The following CLMN variants were observed in gnomAD, a reference collection of about 807,000 sequenced individuals.
CLMN encodes the protein calmin, also known as calmin (calponin-like, transmembrane).
A neutral mutation model predicts 92.7 loss-of-function variants in CLMN; 57 were observed. The observed-to-expected ratio is 0.61, with a 90% CI of 0.50 to 0.77. The LOEUF (loss-of-function observed/expected upper bound fraction) is 0.77. Among genes scored for constraint, CLMN ranks in the 30% least tolerant of loss-of-function variants. CLMN has a pLI of 0.00. For synonymous variants in CLMN, 466 were observed against 470.6 expected, an observed-to-expected ratio of 0.99 and a Z score of 0.13; for missense variants, 1,158 against 1,237.5, an observed-to-expected ratio of 0.94 and a Z score of 0.96.
chr14:95,318,674 C>G (rs927412685), intron 1 of CLMN, among the ~76,000 whole-genome samples: 4 of 152,144 alleles, frequency 2.6e-5, no homozygotes, highest in Admixed American at 2.0e-4. Context: ...TAACCTTGAA[C>G]CCTCTAGAAA....
At chr14:95,273,655 A>C (rs976572928) in intron 1 of CLMN, among the ~76,000 whole-genome samples, 4 of 152,190 alleles carry the variant, frequency 2.6e-5, no homozygotes, top group African/African-American at 9.7e-5. Flanking sequence ...CAGGGAATTT[A>C]ATAACCTTGG....
In CLMN at chr14:95,182,263, C is replaced by T. The variant is rs532457769; in HGVS notation, c.*9301G>A. The T allele has an allele frequency of 6.6e-6, 1 of 152,292 alleles. No individual in the cohort carries two copies. The highest frequency in any genetic ancestry group is 1.5e-5 in the Non-Finnish European group (1 of 68,036). 9.4% of individuals were successfully genotyped at this position (152,292 alleles called of 1,614,324 possible). Reference sequence around the variant, plus strand: ...ATTTTCCTCAATAGTTTTCTTAGAGCTCTCAGTAAAAACTTTCAGACATAG... The same window carrying T: ...ATTTTCCTCAATAGTTTTCTTAGAGTTCTCAGTAAAAACTTTCAGACATAG... On this transcript the variant is annotated 3_prime_UTR_variant, in exon 13 of 13. Transcript: ENST00000298912.
intron 1 of CLMN, among the ~76,000 whole-genome samples, chr14:95,311,662 C>T (rs1008840874): frequency 1.3e-5 from 2 of 152,094 alleles, no homozygotes; most frequent in South Asian, 2.1e-4. Context: ...TGCATGGGCC[C>T]GTCTGGGACG....
chr14:95,198,702 C>T (rs1341827812), intron 9 of CLMN, among the ~76,000 whole-genome samples: 3 of 152,090 alleles, frequency 2.0e-5, no homozygotes, highest in Non-Finnish European at 2.9e-5. Flanking sequence ...CTAGATCTCC[C>T]GATTCTACCA....
At chr14:95,199,138 A>C (rs1259961224) in intron 9 of CLMN, 1 of 150,670 alleles carries the variant, frequency 6.6e-6, no homozygotes, top group Non-Finnish European at 1.5e-5. Context: ...TGCTCCTCCT[A>C]GGGCTTAGGT....
intron 1 of CLMN, among the ~76,000 whole-genome samples, chr14:95,296,854 T>A (rs1273804926): frequency 6.6e-6 from 1 of 152,242 alleles, no homozygotes; most frequent in African/African-American, 2.4e-5. Flanking sequence ...TCAGGTTTCC[T>A]GTAATTCATA....
chr14:95,254,572 C>T (rs1358631491), intron 1 of CLMN, among the ~76,000 whole-genome samples: 1 of 152,174 alleles, frequency 6.6e-6, no homozygotes, highest in Non-Finnish European at 1.5e-5. Context: ...TTATGAGGCA[C>T]CCCATCCATA....
chr14:95,226,377 T>G (rs1595593053), intron 2 of CLMN, among the ~76,000 whole-genome samples: 1 of 152,198 alleles, frequency 6.6e-6, no homozygotes. Context: ...ATGCAGTTTT[T>G]TTTTTCTGAA....
intron 1 of CLMN, among the ~76,000 whole-genome samples, chr14:95,242,353 G>C (rs1299237774): frequency 7.1e-6 from 1 of 140,790 alleles, no homozygotes; most frequent in African/African-American, 2.6e-5. Flanking sequence ...CCACCTTCCA[G>C]GTTCAAGCGA....
At position 95,191,828 on chromosome 14, in the gene CLMN, C is replaced by T. The variant is rs916742869; in HGVS notation, c.2841-96G>A. On this transcript the variant is annotated intron_variant, in intron 12 of 12. Coordinates refer to ENST00000298912, the MANE Select transcript of CLMN (RefSeq NM_024734.4). This position sits in a 1 kb window ranked among gnomAD's most constrained non-coding sequence, Gnocchi z 5.3. Reference sequence around the variant, plus strand: ...ACCCGTCTCTCCCCGGCCCCCACTCCCCGCCTGAAGACCCGAAGGCTCCCC... The same window carrying T: ...ACCCGTCTCTCCCCGGCCCCCACTCTCCGCCTGAAGACCCGAAGGCTCCCC... 2 of 1,258,998 alleles carry T rather than the reference C, an allele frequency of 1.6e-6. No individual in the cohort carries two copies. Among genetic ancestry groups the T allele is most frequent in the Non-Finnish European group, 2.2e-6 (2 of 917,508 alleles). The allele number at this position is 1,258,998 out of a possible 1,614,324, so 78.0% of individuals were successfully genotyped here. A position where few individuals can be genotyped will look rare whatever the true frequency, so the allele number is the denominator to read the frequency against.
intron 7 of CLMN, among the ~76,000 whole-genome samples, chr14:95,210,208 C>T (rs1343011950): frequency 5.9e-5 from 9 of 152,230 alleles, no homozygotes; most frequent in Admixed American, 3.3e-4. Flanking sequence ...TGCGCCACCA[C>T]GCCCAGCTAA....
chr14:95,235,321 T>A (rs1898016769), intron 1 of CLMN, among the ~76,000 whole-genome samples: 1 of 152,190 alleles, frequency 6.6e-6, no homozygotes, highest in Non-Finnish European at 1.5e-5. Flanking sequence ...GAATCTGCAT[T>A]TAGCCAGCTC....
At chr14:95,237,924 C>A (rs954826775) in intron 1 of CLMN, among the ~76,000 whole-genome samples, 3 of 152,210 alleles carry the variant, frequency 2.0e-5, no homozygotes, top group African/African-American at 7.2e-5. Context: ...GCGTCCTTGG[C>A]TCACATCAGC....
rs887754494 is a variant in CLMN at position 95,187,457 on chromosome 14, G to C, written c.*4107C>G. ...GGGAGGCCACAGAGTGGTCAGCAGA[G>C]ATGCCCTGTGGCCTCCAGGAGAGGC... On this transcript the variant is annotated 3_prime_UTR_variant, in exon 13 of 13. Coordinates refer to ENST00000298912, the MANE Select transcript of CLMN (RefSeq NM_024734.4). 1 of 152,258 alleles carries C rather than the reference G, an allele frequency of 6.6e-6. No individual in the cohort carries two copies. Among genetic ancestry groups the C allele is most frequent in the African/African-American group, 2.4e-5 (1 of 41,462 alleles). The allele number at this position is 152,258 out of a possible 1,614,324, so 9.4% of individuals were successfully genotyped here.
At chr14:95,285,484 T>C (rs745386842) in intron 1 of CLMN, among the ~76,000 whole-genome samples, 3 of 152,190 alleles carry the variant, frequency 2.0e-5, no homozygotes, top group Admixed American at 6.5e-5. Flanking sequence ...AGGGCCTGCA[T>C]GTGAACGCTG....
intron 1 of CLMN, among the ~76,000 whole-genome samples, chr14:95,311,048 G>A (rs987261126): frequency 2.6e-5 from 4 of 152,176 alleles, no homozygotes; most frequent in African/African-American, 7.2e-5. Flanking sequence ...CAACTAACAA[G>A]GAGAATGTGT....
chr14:95,277,150 G>T (rs983362055), intron 1 of CLMN, among the ~76,000 whole-genome samples: 6 of 152,178 alleles, frequency 3.9e-5, no homozygotes, highest in Non-Finnish European at 8.8e-5. Context: ...GCAAAGTTTT[G>T]ATTAATGGGA....
chr14:95,269,113 C>G (rs1040447693), intron 1 of CLMN, among the ~76,000 whole-genome samples: 4 of 151,992 alleles, frequency 2.6e-5, no homozygotes, highest in Admixed American at 1.3e-4. Flanking sequence ...GTCTTACAAC[C>G]ATATGTAAAT....
chr14:95,245,210 A>ATATATATAT (rs1898451873), intron 1 of CLMN, among the ~76,000 whole-genome samples: 2 of 24,178 alleles, frequency 8.3e-5, no homozygotes, highest in African/African-American at 4.4e-4. Flanking sequence ...TATATATATT[A>ATATATATAT]TATATATATA....
Sources: gnomAD v4.1 joint callset for allele counts (sites outside exome capture counted in the v4.1 genomes callset) on GRCh38, gnomAD v4.1.1 for gene constraint, Gnocchi (gnomAD v3.1) non-coding constraint, MANE v1.5 for transcripts, NCBI Gene and HGNC (gene_info 2026-07-23, HGNC 2026-07-21) for gene names.